Variants in DNAI2 observed in about 807,000 individuals in gnomAD.
The protein encoded by DNAI2 is dynein axonemal intermediate chain 2, also known as dynein, axonemal, intermediate polypeptide 2.
DNAI2 carries 63 observed loss-of-function variants against 74.7 expected under a neutral mutation model. The ratio of observed to expected loss-of-function variants is 0.84; its 90% CI spans 0.69 to 1.04. The LOEUF (loss-of-function observed/expected upper bound fraction) is 1.04, where lower values mean the gene tolerates loss of function less well. Ranked by LOEUF, DNAI2 falls within the 50% of genes least tolerant of loss-of-function variation. The pLI is 0.00. For missense variants in DNAI2, 688 were observed against 803.2 expected, an observed-to-expected ratio of 0.86 and a Z score of 1.73; for synonymous variants, 289 against 314.9, an observed-to-expected ratio of 0.92 and a Z score of 0.87.
Position 74,314,699 on chromosome 17 carries a change from C to A in DNAI2, c.*166C>A. The stretch of plus-strand genomic sequence containing the variant: ...TCCTCGTCCACCTACAAATCAGGAA[C>A]AGAAAGTCTGTCCACTTTGAAAATA... On this transcript the variant is annotated 3_prime_UTR_variant, in exon 14 of 14. Transcript: ENST00000311014. 1 of 211,232 alleles carries A rather than the reference C, an allele frequency of 4.7e-6. No individual in the cohort carries two copies. 13.1% of individuals were successfully genotyped at this position (211,232 alleles called of 1,614,324 possible).
At chr17:74,296,357 G>GA (rs2052439729) in intron 6 of DNAI2, among the ~76,000 whole-genome samples, 9 of 108,896 alleles carry the variant, frequency 8.3e-5, no homozygotes, top group Middle Eastern at 4.3e-3. Context: ...GAGAGAGAGA[G>GA]GAAGGGGGAA....
At chr17:74,289,818 G>A in intron 5 of DNAI2, 82 bp downstream of exon 5, 6 of 1,583,676 alleles carry the variant, frequency 3.8e-6, no homozygotes, top group Non-Finnish European at 8.6e-7. Context: ...GGGAGGGGCA[G>A]GAGGTCAAGG....
At position 74,285,420 on chromosome 17, in the gene DNAI2, A is replaced by G. The variant is rs1531493; in HGVS notation, c.345+219A>G. Among the ~76,000 whole-genome samples, 152,213 of 152,234 alleles carry G rather than the reference A, an allele frequency of 1. 76,096 individuals are homozygous for G. Among genetic ancestry groups the G allele is most frequent in the Middle Eastern group, 1 (294 of 294 alleles). On this transcript the variant is annotated intron_variant, in intron 3 of 13. Transcript: ENST00000311014. ...AGGCAGGGAGGTACAAGGGCTGACC[A>G]GGCATCAGGAGGAGTCTGACCTTGG...
intron 6 of DNAI2, among the ~76,000 whole-genome samples, chr17:74,294,952 A>C (rs544944619): frequency 6.6e-6 from 1 of 151,646 alleles, no homozygotes; most frequent in South Asian, 2.1e-4. Flanking sequence ...TTTTCTTTCT[A>C]TTCCTCAGAC....
At chr17:74,287,612 C>T (rs1208121663) in intron 4 of DNAI2, among the ~76,000 whole-genome samples, 1 of 152,156 alleles carries the variant, frequency 6.6e-6, no homozygotes, top group East Asian at 1.9e-4. Flanking sequence ...GGGACTGGTT[C>T]TAGCAGTTCT....
Position 74,281,677 on chromosome 17 carries a change from G to C in DNAI2, c.-11-130G>C, listed in dbSNP as rs550386077. 13 of 823,300 alleles carry C rather than the reference G, an allele frequency of 1.6e-5. No individual in the cohort carries two copies. In the Admixed American group the frequency reaches 2.1e-4, roughly 13 times the overall value. 51.0% of individuals were successfully genotyped at this position (823,300 alleles called of 1,614,324 possible). ...GATGCAGCTTCTGGACAAATTCCTAGGATCTCCCCACCACCCCTTGCTTCC... is the reference window on the plus strand; with the variant it reads ...GATGCAGCTTCTGGACAAATTCCTACGATCTCCCCACCACCCCTTGCTTCC... On this transcript the variant is annotated intron_variant, in intron 1 of 13. Coordinates refer to ENST00000311014, the MANE Select transcript of DNAI2 (RefSeq NM_023036.6).
intron 1 of DNAI2, 65 bp from the exon 2 acceptor site, chr17:74,281,742 G>T (rs754350448): frequency 1.3e-6 from 2 of 1,537,088 alleles, no homozygotes; most frequent in Non-Finnish European, 8.9e-7. Context: ...GTCCTGGCAG[G>T]ACCTGTGGAG....
chr17:74,305,226 A>T lies in DNAI2; in HGVS notation c.995A>T (p.Lys332Met). Residue 332 changes from lysine (K) to methionine (M), a missense_variant, in exon 9 of 14, where the codon AAG becomes ATG. Transcript: ENST00000311014. Reference sequence around the variant, plus strand: ...GTGTCACTCCTTCCACAGCCCACCAAGTTCATGGTGGGGACCGAGCAGGGC... The same window carrying T: ...GTGTCACTCCTTCCACAGCCCACCATGTTCATGGTGGGGACCGAGCAGGGC... ...SLEFESTLPT[K>M]FMVGTEQGIV... 6.2e-7 allele frequency: 1 copy of T among 1,614,020 alleles called. No individual in the cohort carries two copies. Among genetic ancestry groups the T allele is most frequent in the Non-Finnish European group, 8.5e-7 (1 of 1,179,930 alleles).
At position 74,291,072 on chromosome 17, in the gene DNAI2, G is replaced by A. The variant is rs368232107; in HGVS notation, c.663G>A (p.Thr221=). 27 of 1,614,204 alleles carry A rather than the reference G, an allele frequency of 1.7e-5. No homozygotes were observed. Among genetic ancestry groups the A allele is most frequent in the African/African-American group, 1.1e-4 (8 of 75,066 alleles). Residue 221 remains threonine (T), a synonymous_variant, in exon 6 of 14, where the codon ACG becomes ACA. Coordinates refer to ENST00000311014, the MANE Select transcript of DNAI2 (RefSeq NM_023036.6). The stretch of plus-strand genomic sequence containing the variant: ...TGAAGCCATCGTCTCCACTCGTGAC[G>A]TTGGAGTTCAACCCCAAAGATTCCC... The part of the protein sequence containing the change: ...LALKPSSPLV[T]LEFNPKDSHV...
intron 8 of DNAI2, among the ~76,000 whole-genome samples, chr17:74,301,878 G>GGAAGGAAGGAAGGAAGGAAGGAAA (rs2052803842): frequency 3.5e-5 from 1 of 28,328 alleles, no homozygotes; most frequent in Admixed American, 2.6e-4. Flanking sequence ...AAGGAAGGAA[G>GGAAGGAAGGAAGGAAGGAAGGAAA]GAAGGAAGGA....
chr17:74,280,483 C>T (rs560413121), intron 1 of DNAI2, among the ~76,000 whole-genome samples: 36 of 152,314 alleles, frequency 2.4e-4, no homozygotes, highest in South Asian at 8.3e-4. Context: ...CTCCATGTCC[C>T]GCCTGTTGGG....
At chr17:74,289,156 T>A (rs928583193) in intron 4 of DNAI2, among the ~76,000 whole-genome samples, 5 of 152,208 alleles carry the variant, frequency 3.3e-5, no homozygotes, top group African/African-American at 4.8e-5. Flanking sequence ...GGGCAGAGGC[T>A]GCCCTTCCTG....
rs74852894 is a variant in DNAI2, at chr17:74,302,280, A to G, written c.987+1112A>G. On this transcript the variant is annotated intron_variant, in intron 8 of 13. Coordinates refer to ENST00000311014, the MANE Select transcript of DNAI2 (RefSeq NM_023036.6). ...ACACTGTCCCTACATAAGAAAAGAAAAAAAGGGCCAGGCACGGTGGCTCAC... is the reference window on the plus strand; with the variant it reads ...ACACTGTCCCTACATAAGAAAAGAAGAAAAGGGCCAGGCACGGTGGCTCAC... 7.6e-3 allele frequency among the ~76,000 whole-genome samples: 1,155 copies of G among 151,976 alleles called. 13 individuals are homozygous for G. The highest frequency in any genetic ancestry group is 0.027 in the African/African-American group (1,109 of 41,440).
rs988415527 is a variant in DNAI2, at chr17:74,300,763, G to A, written c.865-283G>A. Among the ~76,000 whole-genome samples the A allele has an allele frequency of 2.0e-5, 3 of 152,170 alleles. No homozygotes were observed. Among genetic ancestry groups the A allele is most frequent in the East Asian group, 3.8e-4 (2 of 5,196 alleles). ...ATTGTGGGGAGTCTTGGCATATACC[G>A]ATTCTTGGCCTTGCACCTGGAGGTT... On this transcript the variant is annotated intron_variant, in intron 7 of 13. Coordinates refer to ENST00000311014, the MANE Select transcript of DNAI2 (RefSeq NM_023036.6). This position sits in a 1 kb window ranked among gnomAD's most constrained non-coding sequence, Gnocchi z 4.5.
rs565936174 is a variant in DNAI2, at chr17:74,295,353, G to A, written c.724+4220G>A. On this transcript the variant is annotated intron_variant, in intron 6 of 13. Coordinates refer to ENST00000311014, the MANE Select transcript of DNAI2 (RefSeq NM_023036.6). Reference sequence around the variant, plus strand: ...GGAGGCAGAGGTTGCAGTAAGTTGAGATTGTGCCACTGCACTCCAGGCTGG... The same window carrying A: ...GGAGGCAGAGGTTGCAGTAAGTTGAAATTGTGCCACTGCACTCCAGGCTGG... 6.8e-4 allele frequency among the ~76,000 whole-genome samples: 103 copies of A among 152,202 alleles called. 1 individual carries two copies. Among genetic ancestry groups the A allele is most frequent in the South Asian group, 3.9e-3 (19 of 4,820 alleles).
intron 13 of DNAI2, 27 bp downstream of exon 13, chr17:74,314,298 G>A: frequency 1.2e-6 from 2 of 1,605,656 alleles, no homozygotes; most frequent in Non-Finnish European, 1.7e-6. Flanking sequence ...ACAAGTGGGA[G>A]GCTGAGCTCC....
At chr17:74,306,777 C>A (rs138631553) in intron 9 of DNAI2, among the ~76,000 whole-genome samples, 1 of 152,206 alleles carries the variant, frequency 6.6e-6, no homozygotes, top group Non-Finnish European at 1.5e-5. Flanking sequence ...GCCAGCACAC[C>A]CAGCTAATTT....
intron 9 of DNAI2, among the ~76,000 whole-genome samples, chr17:74,306,718 T>A (rs57843748): frequency 0.048 from 7,295 of 152,278 alleles, 575 homozygotes; most frequent in African/African-American, 0.17. Context: ...CCCGAGTTCA[T>A]GCGATTCTCC....
intron 9 of DNAI2, among the ~76,000 whole-genome samples, chr17:74,306,515 A>T (rs2053198808): frequency 6.6e-6 from 1 of 152,014 alleles, no homozygotes; most frequent in African/African-American, 2.4e-5. Context: ...AGAACCACAG[A>T]CTCCTGCAAC....
Sources: allele counts gnomAD v4.1 joint callset (sites outside exome capture counted in the v4.1 genomes callset), GRCh38; gene constraint gnomAD v4.1.1; non-coding constraint Gnocchi (gnomAD v3.1); transcripts MANE v1.5; gene names NCBI Gene and HGNC (gene_info 2026-07-23, HGNC 2026-07-21).